The following PTPRR variants were observed in gnomAD, a reference collection of about 807,000 sequenced individuals.
PTPRR encodes protein tyrosine phosphatase receptor type R, also known as receptor-type tyrosine-protein phosphatase R.
In PTPRR, 38 loss-of-function variants were observed where a neutral mutation model predicts 77.2. The ratio of observed to expected loss-of-function variants is 0.49; its 90% CI spans 0.38 to 0.65. PTPRR has a LOEUF of 0.65. PTPRR is among the 30% of genes least tolerant of loss of function. PTPRR has a pLI of 0.00. For missense variants in PTPRR, 744 were observed against 799.2 expected (o/e 0.93, Z 0.83); for synonymous variants, 299 against 283.1 (o/e 1.06, Z -0.57).
At chr12:70,687,976 A>C (rs1339290155) in intron 8 of PTPRR, among the ~76,000 whole-genome samples, 1 of 152,102 alleles carries the variant, frequency 6.6e-6, no homozygotes, top group Non-Finnish European at 1.5e-5. Flanking sequence ...TTTCAAAAGC[A>C]CTTCATTTTC....
chr12:70,831,730 T>C (rs185363485), intron 2 of PTPRR, among the ~76,000 whole-genome samples: 153 of 152,336 alleles, frequency 1.0e-3, no homozygotes, highest in African/African-American at 3.3e-3. Flanking sequence ...TGTAGCCACA[T>C]AAAGCTTTCT....
intron 13 of PTPRR, among the ~76,000 whole-genome samples, chr12:70,649,036 A>G (rs886748388): frequency 5.3e-5 from 8 of 152,234 alleles, no homozygotes; most frequent in Non-Finnish European, 1.2e-4. Flanking sequence ...TGAGGAATCT[A>G]CCAAATGGTT....
chr12:70,673,786 TGAA>T (rs1433442435), intron 10 of PTPRR, among the ~76,000 whole-genome samples: 2 of 152,212 alleles, frequency 1.3e-5, no homozygotes, highest in Non-Finnish European at 2.9e-5. Flanking sequence ...AAATATTGCA[TGAA>T]GTTGTTCATA....
chr12:70,745,694 C>G, intron 6 of PTPRR, 124 bp downstream of exon 6: 2 of 1,118,626 alleles, frequency 1.8e-6, no homozygotes, highest in African/African-American at 1.6e-5. Flanking sequence ...CTTCATCTGA[C>G]TGTCCATTTA....
chr12:70,760,413 C>T (rs1890665883), intron 4 of PTPRR, among the ~76,000 whole-genome samples: 1 of 152,180 alleles, frequency 6.6e-6, no homozygotes, highest in Non-Finnish European at 1.5e-5. Flanking sequence ...CATGCCCACC[C>T]AGAGCTTTTT....
At chr12:70,871,923 T>A (rs1892964689) in intron 2 of PTPRR, among the ~76,000 whole-genome samples, 1 of 152,194 alleles carries the variant, frequency 6.6e-6, no homozygotes. Flanking sequence ...ATAATAATGA[T>A]GAGTGAAGAC....
At chr12:70,712,869 C>A (rs1888878298) in intron 6 of PTPRR, among the ~76,000 whole-genome samples, 2 of 150,256 alleles carry the variant, frequency 1.3e-5, no homozygotes. Flanking sequence ...TATATACTCC[C>A]TCCTCTTTTT....
At chr12:70,665,061 C>A (rs1325931484) in intron 10 of PTPRR, among the ~76,000 whole-genome samples, 1 of 152,164 alleles carries the variant, frequency 6.6e-6, no homozygotes, top group East Asian at 1.9e-4. Flanking sequence ...AAAATGCTGC[C>A]TTACAGATAA....
intron 1 of PTPRR, chr12:70,906,835 G>T (rs1013018199): frequency 6.6e-6 from 1 of 151,978 alleles, no homozygotes; most frequent in Non-Finnish European, 1.5e-5. Context: ...GTTTCTACGA[G>T]ATGACAATAA....
At chr12:70,684,375 G>C (rs1219566570) in intron 9 of PTPRR, 111 bp from the exon 10 acceptor site, 1 of 1,171,724 alleles carries the variant, frequency 8.5e-7, no homozygotes, top group Admixed American at 2.4e-5. Flanking sequence ...AAGCAACACA[G>C]GTTACGGCTT....
intron 6 of PTPRR, among the ~76,000 whole-genome samples, chr12:70,718,074 C>T (rs1232252116): frequency 6.6e-6 from 1 of 152,146 alleles, no homozygotes; most frequent in Non-Finnish European, 1.5e-5. Context: ...AAAAGTCTCT[C>T]AAATACTAAC....
chr12:70,866,383 A>T (rs1431343630), intron 2 of PTPRR, among the ~76,000 whole-genome samples: 1 of 151,722 alleles, frequency 6.6e-6, no homozygotes, highest in African/African-American at 2.4e-5. Flanking sequence ...ACAAACTACC[A>T]TCAGAGAATA....
chr12:70,778,125 G>A (rs1016557619), intron 2 of PTPRR, among the ~76,000 whole-genome samples: 1 of 152,162 alleles, frequency 6.6e-6, no homozygotes, highest in Non-Finnish European at 1.5e-5. Context: ...GGCATTATAT[G>A]TTTGTGAATA....
chr12:70,724,265 G>C (rs1378532786), intron 6 of PTPRR, among the ~76,000 whole-genome samples: 1 of 152,088 alleles, frequency 6.6e-6, no homozygotes, highest in Non-Finnish European at 1.5e-5. Flanking sequence ...CCAGTATAGT[G>C]GTTAAGAGTG....
At chr12:70,898,905 G>A (rs1592822913) in intron 1 of PTPRR, among the ~76,000 whole-genome samples, 1 of 151,188 alleles carries the variant, frequency 6.6e-6, no homozygotes, top group South Asian at 2.1e-4. Flanking sequence ...ATATCATTAC[G>A]GACTTAGCAA....
At chr12:70,824,347 T>C (rs1440537887) in intron 2 of PTPRR, among the ~76,000 whole-genome samples, 1 of 152,226 alleles carries the variant, frequency 6.6e-6, no homozygotes, top group Non-Finnish European at 1.5e-5. Context: ...AAATACTTTT[T>C]CAATCAGAGG....
At chr12:70,833,496 G>A (rs937232663) in intron 2 of PTPRR, among the ~76,000 whole-genome samples, 1 of 152,098 alleles carries the variant, frequency 6.6e-6, no homozygotes, top group African/African-American at 2.4e-5. Flanking sequence ...ACTCATGGGA[G>A]CAAATGAGAA....
At chr12:70,880,467 G>T (rs751369742) in intron 2 of PTPRR, among the ~76,000 whole-genome samples, 1 of 151,976 alleles carries the variant, frequency 6.6e-6, no homozygotes, top group Admixed American at 6.6e-5. Context: ...CCAGTGTAAG[G>T]TAGTCCCCAC....
intron 6 of PTPRR, among the ~76,000 whole-genome samples, chr12:70,731,009 T>TAGAGGAAGGAGAGAG (rs1408867881): frequency 3.5e-4 from 24 of 69,336 alleles, no homozygotes; most frequent in Admixed American, 3.0e-3. Context: ...GAAGGAGAGA[T>TAGAGGAAGGAGAGAG]AGAGGAAGGA....
Sources: gnomAD v4.1 joint callset for allele counts (sites outside exome capture counted in the v4.1 genomes callset) on GRCh38, gnomAD v4.1.1 for gene constraint, MANE v1.5 for transcripts, NCBI Gene and HGNC (gene_info 2026-07-23, HGNC 2026-07-21) for gene names.